Variants in SNX8 observed in about 807,000 individuals in gnomAD.
SNX8 encodes sorting nexin 8, also known as sorting nexin-8.
In SNX8, 25 loss-of-function variants were observed where a neutral mutation model predicts 51.6. The ratio of observed to expected loss-of-function variants is 0.48; its 90% CI spans 0.35 to 0.68. The LOEUF is 0.68. SNX8 is among the 30% of genes least tolerant of loss of function. The probability of loss-of-function intolerance (pLI) is 0.00; values close to 1 mark genes in which losing one functional copy is unlikely to be tolerated. For synonymous variants in SNX8, 324 were observed against 277.0 expected (o/e 1.17, Z -1.68); for missense variants, 695 against 624.0 (o/e 1.11, Z -1.21).
In SNX8 at chr7:2,256,879, T is replaced by C; in HGVS notation, c.1279A>G (p.Lys427Glu). ...AFVNSQIQGH[K>E]EMSKVWNDLR... Reference sequence around the variant, plus strand: ...CCGGAGCAGGGCGGACTCACCTCCTTGTGCCCTTGGATCTGAGAGTTGACG... The same window carrying C: ...CCGGAGCAGGGCGGACTCACCTCCTCGTGCCCTTGGATCTGAGAGTTGACG... Residue 427 changes from lysine to glutamate, a missense_variant, in exon 10 of 11, where the codon AAG becomes GAG. Coordinates refer to ENST00000222990, the MANE Select transcript of SNX8 (RefSeq NM_013321.4). The C allele has an allele frequency of 6.2e-7, 1 of 1,611,852 alleles. No individual in the cohort carries two copies. The highest frequency in any genetic ancestry group is 1.1e-5 in the South Asian group (1 of 90,902).
At chr7:2,344,956 C>G (rs1279964212) in intron 1 of SNX8, among the ~76,000 whole-genome samples, 2 of 152,142 alleles carry the variant, frequency 1.3e-5, no homozygotes, top group South Asian at 4.1e-4. Context: ...CAACACGATA[C>G]CCTTTCACGC....
chr7:2,339,866 C>G (rs1209145276), intron 1 of SNX8, among the ~76,000 whole-genome samples: 1 of 152,034 alleles, frequency 6.6e-6, no homozygotes, highest in African/African-American at 2.4e-5. Context: ...GAAACGGAAC[C>G]ATGTATTTTC....
chr7:2,314,156 G>C (rs534494587), intron 1 of SNX8, among the ~76,000 whole-genome samples, 172 bp downstream of exon 1: 2 of 152,126 alleles, frequency 1.3e-5, no homozygotes, highest in East Asian at 3.9e-4. Context: ...CCAAAGGACA[G>C]GCGCGCAGGA....
intron 5 of SNX8, among the ~76,000 whole-genome samples, chr7:2,266,490 G>C (rs1253119795): frequency 6.6e-6 from 1 of 152,122 alleles, no homozygotes; most frequent in Non-Finnish European, 1.5e-5. Context: ...GGAATTACAG[G>C]TGCACGCCAC....
intron 1 of SNX8, among the ~76,000 whole-genome samples, chr7:2,308,682 A>G (rs566548022): frequency 4.1e-5 from 6 of 147,644 alleles, no homozygotes; most frequent in African/African-American, 1.3e-4. Flanking sequence ...AAAAAAAAAA[A>G]AAAAAGGGTC....
intron 1 of SNX8, among the ~76,000 whole-genome samples, chr7:2,312,015 T>A (rs1269629406): frequency 2.0e-5 from 3 of 151,724 alleles, no homozygotes; most frequent in Admixed American, 2.0e-4. Flanking sequence ...AGAAGGACAG[T>A]CTACGTCCCA....
At chr7:2,299,493 G>C (rs749332386) in intron 1 of SNX8, 1 of 152,116 alleles carries the variant, frequency 6.6e-6, no homozygotes, top group East Asian at 1.9e-4. Flanking sequence ...AACACCTCTC[G>C]GGTCTCTCAT....
At chr7:2,326,644 C>T (rs771828787) in intron 1 of SNX8, among the ~76,000 whole-genome samples, 1 of 151,632 alleles carries the variant, frequency 6.6e-6, no homozygotes, top group Non-Finnish European at 1.5e-5. Flanking sequence ...CCAGCCTGGG[C>T]GACAGAGTCT....
intron 1 of SNX8, among the ~76,000 whole-genome samples, chr7:2,325,822 A>C (rs1778613001): frequency 6.6e-6 from 1 of 151,944 alleles, no homozygotes. Context: ...ACAGAGCAAG[A>C]CTCTGTCTCA....
chr7:2,283,130 A>C (rs374251875), intron 1 of SNX8, among the ~76,000 whole-genome samples: 2,998 of 152,066 alleles, frequency 0.02, 40 homozygotes, highest in South Asian at 0.043. Flanking sequence ...CAAAAAAAAA[A>C]AAAGAAACAA....
intron 1 of SNX8, among the ~76,000 whole-genome samples, chr7:2,341,903 T>A (rs1349635735): frequency 1.3e-5 from 2 of 151,530 alleles, no homozygotes; most frequent in Admixed American, 6.6e-5. Flanking sequence ...AACCCAGGAG[T>A]TGGAGGTTGC....
intron 4 of SNX8, among the ~76,000 whole-genome samples, chr7:2,270,061 CTTCCTTCCT>C (rs1256623751): frequency 6.6e-6 from 1 of 152,132 alleles, no homozygotes; most frequent in African/African-American, 2.4e-5. Flanking sequence ...GCAAAAGTGT[CTTCCTTCCT>C]GGGAATGCAT....
intron 1 of SNX8, among the ~76,000 whole-genome samples, chr7:2,339,619 C>A (rs1476968558): frequency 6.6e-6 from 1 of 152,042 alleles, no homozygotes; most frequent in African/African-American, 2.4e-5. Context: ...AATGTAATTT[C>A]CATTTTTTTT....
intron 1 of SNX8, among the ~76,000 whole-genome samples, chr7:2,346,934 A>G (rs1779041633): frequency 7.0e-6 from 1 of 142,616 alleles, no homozygotes; most frequent in Non-Finnish European, 1.5e-5. Flanking sequence ...AAAAAAAAAA[A>G]AAAAAAAGAA....
chr7:2,319,076 C>T (rs1166771522), upstream of SNX8, among the ~76,000 whole-genome samples: 14 of 151,988 alleles, frequency 9.2e-5, no homozygotes, highest in Admixed American at 7.9e-4. Flanking sequence ...CGGTGGCTCA[C>T]GCCTGTAACC....
chr7:2,291,214 C>A (rs1412130292), intron 1 of SNX8, among the ~76,000 whole-genome samples: 1 of 152,016 alleles, frequency 6.6e-6, no homozygotes, highest in African/African-American at 2.4e-5. Flanking sequence ...GCAGGAGGGT[C>A]CTTTGAGCCC....
chr7:2,283,740 G>A (rs2115149595), intron 1 of SNX8, among the ~76,000 whole-genome samples: 1 of 152,296 alleles, frequency 6.6e-6, no homozygotes, highest in Non-Finnish European at 1.5e-5. Flanking sequence ...AACACAGAGG[G>A]CTGGGCCCAC....
intron 2 of SNX8, among the ~76,000 whole-genome samples, chr7:2,277,006 T>A (rs1795795895): frequency 6.6e-6 from 1 of 152,216 alleles, no homozygotes; most frequent in South Asian, 2.1e-4. Flanking sequence ...CATGACGCTT[T>A]TCAAACAAGC....
chr7:2,266,065 TACGATTGCAC>T (rs1795455245), intron 5 of SNX8, among the ~76,000 whole-genome samples: 1 of 152,170 alleles, frequency 6.6e-6, no homozygotes, highest in East Asian at 1.9e-4. Flanking sequence ...TGCAATGACC[TACGATTGCAC>T]CACTGCACTA....
Sources: gnomAD v4.1 joint callset for allele counts (sites outside exome capture counted in the v4.1 genomes callset) on GRCh38, gnomAD v4.1.1 for gene constraint, MANE v1.5 for transcripts, NCBI Gene and HGNC (gene_info 2026-07-23, HGNC 2026-07-21) for gene names.